The following COL4A2 variants were observed in gnomAD, a reference collection of about 807,000 sequenced individuals.
COL4A2 encodes the protein collagen alpha-2(IV) chain.
In COL4A2, 99 loss-of-function variants were observed where a neutral mutation model predicts 200.2. That is an observed-to-expected ratio of 0.49 (90% CI 0.42 to 0.58). The LOEUF is 0.58. Ranked by LOEUF, COL4A2 falls within the 20% of genes least tolerant of loss-of-function variation. The probability of loss-of-function intolerance (pLI) is 0.00; values close to 1 mark genes in which losing one functional copy is unlikely to be tolerated. For synonymous variants in COL4A2, 897 were observed against 900.6 expected, an observed-to-expected ratio of 1.00 and a Z score of 0.07; for missense variants, 1,950 against 2,314.1, an observed-to-expected ratio of 0.84 and a Z score of 3.23.
intron 3 of COL4A2, among the ~76,000 whole-genome samples, chr13:110,350,104 A>C (rs1345152570): frequency 2.0e-5 from 3 of 152,178 alleles, no homozygotes; most frequent in Non-Finnish European, 4.4e-5. Flanking sequence ...CCAAGATTTA[A>C]ATAAGACTCC....
intron 40 of COL4A2, among the ~76,000 whole-genome samples, chr13:110,500,279 C>T (rs1008688775): frequency 3.2e-4 from 49 of 152,348 alleles, no homozygotes; most frequent in African/African-American, 1.2e-3. Context: ...CTATTTCCTG[C>T]AGAGCAGAAG....
chr13:110,440,858 C>G (rs141774973), intron 16 of COL4A2, among the ~76,000 whole-genome samples: 51 of 152,256 alleles, frequency 3.3e-4, no homozygotes, highest in African/African-American at 1.1e-3. Context: ...CACACAAAGA[C>G]GTGTAGCTTC....
chr13:110,462,155 A>C lies in COL4A2; in HGVS notation c.1638A>C (p.Ala546=). Residue 546 remains alanine (A), a synonymous_variant, in exon 23 of 48, where the codon GCA becomes GCC. Transcript: ENST00000360467. Reference sequence around the variant, plus strand: ...TTGGTGCTCCCGGACCCAAAGGAGCAAAAGGAGATTCCAGAACAATCACAA... The same window carrying C: ...TTGGTGCTCCCGGACCCAAAGGAGCCAAAGGAGATTCCAGAACAATCACAA... ...GNIGAPGPKG[A]KGDSRTITTK... is the part of the protein sequence containing the mutation. The C allele has an allele frequency of 6.2e-7, 1 of 1,614,290 alleles. No homozygotes were observed. The highest frequency in any genetic ancestry group is 1.1e-5 in the South Asian group (1 of 91,092).
Position 110,357,556 on chromosome 13 carries a change from A to T in COL4A2, c.180+4A>T, listed in dbSNP as rs1877333263. ...CTACCCTGAGAAAGGTGGACGTGTAAGTCACAGCATTGCAATAAATAATAT... is the reference window on the plus strand; with the variant it reads ...CTACCCTGAGAAAGGTGGACGTGTATGTCACAGCATTGCAATAAATAATAT... On this transcript the variant is annotated splice_donor_region_variant and intron_variant, in intron 4 of 47. Coordinates refer to ENST00000360467, the MANE Select transcript of COL4A2 (RefSeq NM_001846.4). 7.0e-6 allele frequency: 11 copies of T among 1,575,048 alleles called. No homozygotes were observed. In the East Asian group the frequency reaches 2.3e-4, roughly 33 times the overall value.
intron 12 of COL4A2, among the ~76,000 whole-genome samples, chr13:110,435,952 C>T (rs1466043705): frequency 6.6e-6 from 1 of 151,864 alleles, no homozygotes; most frequent in Non-Finnish European, 1.5e-5. Context: ...GACATTCAGC[C>T]CTCATACCTA....
intron 4 of COL4A2, 90 bp from the exon 5 acceptor site, chr13:110,424,644 A>AAAAAC: frequency 2.2e-6 from 2 of 893,004 alleles, no homozygotes; most frequent in Non-Finnish European, 3.4e-6. Context: ...TAAAAACAAA[A>AAAAAC]AAAAAAATGT....
At chr13:110,467,196 C>G in intron 27 of COL4A2, 100 bp downstream of exon 27, 2 of 1,468,936 alleles carry the variant, frequency 1.4e-6, no homozygotes, top group Admixed American at 1.9e-5. Context: ...CTGCATCCCC[C>G]ACCCCAGACA....
chr13:110,496,149 C>A (rs1883447207), intron 40 of COL4A2, among the ~76,000 whole-genome samples: 1 of 152,196 alleles, frequency 6.6e-6, no homozygotes, highest in East Asian at 1.9e-4. Context: ...CCTGGGCACC[C>A]TGGGCTCCAT....
At position 110,459,009 on chromosome 13, in the gene COL4A2, C is replaced by G. The variant is rs1881906209; in HGVS notation, c.1596+75C>G. The G allele has an allele frequency of 7.2e-6, 10 of 1,381,802 alleles. No individual in the cohort carries two copies. In the East Asian group the frequency reaches 7.7e-5, roughly 11 times the overall value. 85.6% of individuals were successfully genotyped at this position (1,381,802 alleles called of 1,614,324 possible). A position where few individuals can be genotyped will look rare whatever the true frequency, so the allele number is the denominator to read the frequency against. On this transcript the variant is annotated intron_variant, in intron 22 of 47. Transcript: ENST00000360467. Reference sequence around the variant, plus strand: ...CAGGTGTCCCGTTCTTGCCTTTTATCTCCTAAGTTTACACAGCTTCAGACC... The same window carrying G: ...CAGGTGTCCCGTTCTTGCCTTTTATGTCCTAAGTTTACACAGCTTCAGACC...
At chr13:110,490,882 G>T (rs1264989819) in intron 36 of COL4A2, among the ~76,000 whole-genome samples, 1 of 152,182 alleles carries the variant, frequency 6.6e-6, no homozygotes, top group Non-Finnish European at 1.5e-5. Flanking sequence ...GCCCAGAAAG[G>T]CTTTGGAGTG....
At chr13:110,459,589 AG>A (rs1210820179) in intron 22 of COL4A2, 1 of 151,270 alleles carries the variant, frequency 6.6e-6, no homozygotes, top group African/African-American at 2.4e-5. Flanking sequence ...GGGGGTGGGG[AG>A]TACCTGCTTA....
chr13:110,469,622 A>G (rs1267902614), intron 28 of COL4A2, among the ~76,000 whole-genome samples: 2 of 152,194 alleles, frequency 1.3e-5, no homozygotes, highest in Non-Finnish European at 2.9e-5. Flanking sequence ...AATAATGATT[A>G]ATATTAAACA....
chr13:110,487,387 AGGTTGCAGT>A (rs904714407), intron 34 of COL4A2, among the ~76,000 whole-genome samples: 4 of 152,242 alleles, frequency 2.6e-5, no homozygotes, highest in African/African-American at 7.2e-5. Context: ...CAGGAGGCGG[AGGTTGCAGT>A]GAGCCGAGAT....
chr13:110,332,803 A>G (rs547330733), intron 3 of COL4A2, among the ~76,000 whole-genome samples: 1 of 152,344 alleles, frequency 6.6e-6, no homozygotes, highest in South Asian at 2.1e-4. Flanking sequence ...GACTTGTCAC[A>G]TATTTCTGCA....
intron 4 of COL4A2, among the ~76,000 whole-genome samples, chr13:110,384,480 G>A (rs529386847): frequency 2.0e-5 from 3 of 152,228 alleles, no homozygotes; most frequent in East Asian, 1.9e-4. Flanking sequence ...GGACTCTTGC[G>A]GGCCATGCTC....
intron 3 of COL4A2, among the ~76,000 whole-genome samples, chr13:110,343,678 C>T (rs1408872966): frequency 2.0e-5 from 3 of 152,186 alleles, no homozygotes; most frequent in Non-Finnish European, 4.4e-5. Context: ...GCCCGGGCAG[C>T]GCAGCGCTGC....
intron 4 of COL4A2, among the ~76,000 whole-genome samples, chr13:110,385,965 G>C (rs201939176): frequency 3.1e-5 from 4 of 127,726 alleles, no homozygotes; most frequent in East Asian, 2.3e-4. Flanking sequence ...CACAGCGTGT[G>C]GATGGGCCGT....
chr13:110,372,532 C>G (rs766937454), intron 4 of COL4A2, among the ~76,000 whole-genome samples: 5 of 152,154 alleles, frequency 3.3e-5, no homozygotes, highest in Non-Finnish European at 7.4e-5. Flanking sequence ...ACATTTTACT[C>G]TTTGTGTATC....
In COL4A2 at chr13:110,307,422, G is replaced by A. The variant is rs1273338386; in HGVS notation, c.-151G>A. 8 of 204,896 alleles carry A rather than the reference G, an allele frequency of 3.9e-5. No homozygotes were observed. Among genetic ancestry groups the A allele is most frequent in the South Asian group, 1.8e-4 (1 of 5,406 alleles). 12.7% of individuals were successfully genotyped at this position (204,896 alleles called of 1,614,324 possible). A position where few individuals can be genotyped will look rare whatever the true frequency, so the allele number is the denominator to read the frequency against. Reference sequence around the variant, plus strand: ...GGGGCCGCCCGAGCCCCCGGGGCCGGCGCCCAGAGAGCCCAGCAAGGCCGG... The same window carrying A: ...GGGGCCGCCCGAGCCCCCGGGGCCGACGCCCAGAGAGCCCAGCAAGGCCGG... On this transcript the variant is annotated 5_prime_UTR_variant, in exon 1 of 48. Transcript: ENST00000360467. This position sits in a 1 kb window ranked among gnomAD's most constrained non-coding sequence, Gnocchi z 5.0.
Sources: allele counts gnomAD v4.1 joint callset (sites outside exome capture counted in the v4.1 genomes callset), GRCh38; gene constraint gnomAD v4.1.1; non-coding constraint Gnocchi (gnomAD v3.1); transcripts MANE v1.5; gene names NCBI Gene and HGNC (gene_info 2026-07-23, HGNC 2026-07-21).